GLB1: variants seen among roughly 807,000 people sequenced by gnomAD.
The protein encoded by GLB1 is beta-galactosidase.
Under a neutral mutation model 74.0 loss-of-function variants are expected in GLB1, and 56 were observed. The observed-to-expected ratio is 0.76, with a 90% CI of 0.61 to 0.94. GLB1 has a LOEUF of 0.94. Ranked by LOEUF, GLB1 falls within the 40% of genes least tolerant of loss-of-function variation. The pLI is 0.00. For synonymous variants in GLB1, 323 were observed against 323.6 expected (o/e 1.00, Z 0.02); for missense variants, 787 against 845.5 (o/e 0.93, Z 0.86).
At chr3:33,011,455 A>T (rs1697020219) in intron 15 of GLB1, among the ~76,000 whole-genome samples, 1 of 151,010 alleles carries the variant, frequency 6.6e-6, no homozygotes, top group Non-Finnish European at 1.5e-5. Flanking sequence ...AAATAAAAAA[A>T]AAACAAAAAA....
the GLB1 span, among the ~76,000 whole-genome samples, chr3:32,973,728 A>G: frequency 1.3e-5 from 2 of 152,164 alleles, no homozygotes; most frequent in Non-Finnish European, 2.9e-5. Flanking sequence ...ATCAAAACTC[A>G]TTGTACTATA....
chr3:33,066,705 A>G, intron 4 of GLB1, among the ~76,000 whole-genome samples: 1 of 152,212 alleles, frequency 6.6e-6, no homozygotes, highest in East Asian at 1.9e-4. Flanking sequence ...CTTCTCAGTC[A>G]CAGGAAGGCT....
At chr3:33,037,411 A>T (rs777293309) in intron 10 of GLB1, among the ~76,000 whole-genome samples, 1 of 152,234 alleles carries the variant, frequency 6.6e-6, no homozygotes, top group African/African-American at 2.4e-5. Context: ...ATGTATGTGA[A>T]TTATACCTCA....
intron 5 of GLB1, among the ~76,000 whole-genome samples, chr3:33,064,097 T>C (rs1699562745): frequency 6.6e-6 from 1 of 152,168 alleles, no homozygotes; most frequent in Admixed American, 6.5e-5. Context: ...CCCTGGGATG[T>C]CCAGGATGCA....
At chr3:32,964,035 G>A in the GLB1 span, among the ~76,000 whole-genome samples, 3 of 152,298 alleles carry the variant, frequency 2.0e-5, no homozygotes, top group Admixed American at 6.5e-5. Context: ...AGATGCTGAC[G>A]TCAGTCCTGA....
chr3:32,993,905 G>A (rs979829507), downstream of GLB1, among the ~76,000 whole-genome samples: 15 of 152,016 alleles, frequency 9.9e-5, no homozygotes, highest in Non-Finnish European at 2.1e-4. Flanking sequence ...CTGGGCTCAA[G>A]CCATCCACCC....
intron 1 of GLB1, chr3:33,091,694 T>C (rs1333373300): frequency 1.0e-6 from 1 of 985,318 alleles, no homozygotes; most frequent in Non-Finnish European, 1.2e-6. Context: ...TGAGGGAAAG[T>C]CACCCACCCA....
chr3:33,088,368 TACACAC>T (rs55949952), intron 1 of GLB1, among the ~76,000 whole-genome samples: 75,485 of 141,544 alleles, frequency 0.53, 21,553 homozygotes, highest in East Asian at 0.71. Flanking sequence ...CCCTAAAGAC[TACACAC>T]ACACACACAC....
At chr3:32,964,626 A>G in the GLB1 span, among the ~76,000 whole-genome samples, 1 of 152,240 alleles carries the variant, frequency 6.6e-6, no homozygotes, top group Non-Finnish European at 1.5e-5. Flanking sequence ...CCACTTTGAA[A>G]AACTGTTAGA....
intron 1 of GLB1, chr3:33,092,884 G>T: frequency 6.2e-7 from 1 of 1,613,762 alleles, no homozygotes; most frequent in Non-Finnish European, 8.5e-7. Context: ...CTGCTACCCA[G>T]CCTCATGGGT....
chr3:33,050,976 C>A (rs1253587359), intron 9 of GLB1, among the ~76,000 whole-genome samples: 1 of 152,168 alleles, frequency 6.6e-6, no homozygotes, highest in African/African-American at 2.4e-5. Context: ...CGCCTGTAAT[C>A]CCAGAACTTT....
intron 1 of GLB1, among the ~76,000 whole-genome samples, chr3:33,088,966 A>C (rs1253549094): frequency 1.3e-5 from 2 of 152,188 alleles, no homozygotes; most frequent in Non-Finnish European, 2.9e-5. Context: ...GAACACCAAG[A>C]AACAAACTCT....
In GLB1 at chr3:33,096,511, A is replaced by G. The variant is rs909547905; in HGVS notation, c.75+500T>C. The G allele has an allele frequency of 1.1e-5, 11 of 985,252 alleles. No individual in the cohort carries two copies. The African/African-American group carries it at 1.4e-4, about 13-fold the overall frequency. 61.0% of individuals were successfully genotyped at this position (985,252 alleles called of 1,614,324 possible). Reference sequence around the variant, plus strand: ...GAGTGGTGAGAAAGGAACAAGATGCACGAAGAGGGAGAGCACCCAGAGGGG... The same window carrying G: ...GAGTGGTGAGAAAGGAACAAGATGCGCGAAGAGGGAGAGCACCCAGAGGGG... On this transcript the variant is annotated intron_variant, in intron 1 of 15. Coordinates refer to ENST00000307363, the MANE Select transcript of GLB1 (RefSeq NM_000404.4).
chr3:33,091,290 G>A (rs979382760), intron 1 of GLB1: 88 of 985,370 alleles, frequency 8.9e-5, no homozygotes, highest in Non-Finnish European at 1.0e-4. Context: ...CAAAAAGGGT[G>A]GTCTCCAGAT....
At position 33,037,048 on chromosome 3, in the gene GLB1, A is replaced by AT. The variant is rs71070114; in HGVS notation, c.1068+9071dup. Among the ~76,000 whole-genome samples, 164 of 144,094 alleles carry AT rather than the reference A, an allele frequency of 1.1e-3. 1 individual carries two copies. In the Middle Eastern group the frequency reaches 0.018, roughly 15 times the overall value. 94.5% of individuals were successfully genotyped at this position (144,094 alleles called of 152,430 possible). A position where few individuals can be genotyped will look rare whatever the true frequency, so the allele number is the denominator to read the frequency against. On this transcript the variant is annotated intron_variant, in intron 10 of 15. Transcript: ENST00000307363. Reference sequence around the variant, plus strand: ...TTTTATATATATTTTACCACAATTAATTTTTTTTTTTTTTTGAGACAGAGT... The same window carrying AT: ...TTTTATATATATTTTACCACAATTAATTTTTTTTTTTTTTTTGAGACAGAGT...
the GLB1 span, among the ~76,000 whole-genome samples, chr3:32,978,344 C>A: frequency 6.6e-6 from 1 of 152,020 alleles, no homozygotes; most frequent in Admixed American, 6.6e-5. Context: ...GAAGAACAAT[C>A]CATCCTCACC....
rs551366821 is a variant in GLB1, at chr3:32,997,080, G to C, written c.1999C>G (p.Gln667Glu). The change falls in exon 16 of 16, where the codon CAA becomes GAA. Residue 667 changes from glutamine (Q) to glutamate (E), a missense_variant. Physicochemically the swap from Gln to Glu is conservative, Grantham distance 29. Transcript: ENST00000307363. Reference protein sequence around the residue: ...VEKRLMPPPPQKNKDSWLDHV With the variant: ...VEKRLMPPPPEKNKDSWLDHV ...TCCAGCCATGAATCTTTGTTTTTTT[G>C]CGGGGGTGGGGGCATGAGTCTTTTT... 2 of 1,613,984 alleles carry C rather than the reference G, an allele frequency of 1.2e-6. No homozygotes were observed. The highest frequency in any genetic ancestry group is 1.3e-5 in the African/African-American group (1 of 74,968).
At chr3:33,059,652 G>A (rs1337937976) in intron 5 of GLB1, among the ~76,000 whole-genome samples, 4 of 152,194 alleles carry the variant, frequency 2.6e-5, no homozygotes, top group Non-Finnish European at 4.4e-5. Context: ...ACAGTGGGAC[G>A]AAATGGTGTA....
intron 1 of GLB1, among the ~76,000 whole-genome samples, chr3:33,076,093 T>C (rs1408417705): frequency 1.3e-5 from 2 of 151,530 alleles, no homozygotes; most frequent in East Asian, 3.9e-4. Flanking sequence ...GACATTCATG[T>C]TTTAATTGGT....
Sources: allele counts gnomAD v4.1 joint callset (sites outside exome capture counted in the v4.1 genomes callset), GRCh38; gene constraint gnomAD v4.1.1; transcripts MANE v1.5; gene names NCBI Gene and HGNC (gene_info 2026-07-23, HGNC 2026-07-21).